FAF1: variants seen among roughly 807,000 people sequenced by gnomAD.
The protein encoded by FAF1 is FAS-associated factor 1.
FAF1 carries 25 observed loss-of-function variants against 92.5 expected under a neutral mutation model. That is an observed-to-expected ratio of 0.27 (90% CI 0.20 to 0.38). The LOEUF (loss-of-function observed/expected upper bound fraction) is 0.38. Ranked by LOEUF, FAF1 falls within the 10% of genes least tolerant of loss-of-function variation. The probability of loss-of-function intolerance (pLI) is 1.00; values close to 1 mark genes in which losing one functional copy is unlikely to be tolerated. For missense variants in FAF1, 636 were observed against 793.3 expected, an observed-to-expected ratio of 0.80 and a Z score of 2.38; for synonymous variants, 234 against 273.2, an observed-to-expected ratio of 0.86 and a Z score of 1.42.
chr1:50,745,356 A>T (rs752862335), intron 4 of FAF1, among the ~76,000 whole-genome samples: 12 of 152,150 alleles, frequency 7.9e-5, no homozygotes, highest in Non-Finnish European at 1.3e-4. Flanking sequence ...AATATATAGG[A>T]GACAATTTAA....
intron 2 of FAF1, among the ~76,000 whole-genome samples, chr1:50,836,170 G>T (rs923598119): frequency 7.7e-4 from 76 of 98,474 alleles, no homozygotes; most frequent in Middle Eastern, 7.1e-3. Context: ...TTTTGTTTCT[G>T]TTTTTTTTTT....
chr1:50,515,288 T>C (rs530304396), intron 15 of FAF1, among the ~76,000 whole-genome samples: 1 of 152,330 alleles, frequency 6.6e-6, no homozygotes, highest in African/African-American at 2.4e-5. Flanking sequence ...GAGACTTGAA[T>C]TGGCTATGTA....
chr1:50,793,307 A>G (rs918593617), intron 3 of FAF1, among the ~76,000 whole-genome samples: 1 of 152,228 alleles, frequency 6.6e-6, no homozygotes, highest in African/African-American at 2.4e-5. Context: ...GCTGTTTACT[A>G]GAGTATCTGT....
At chr1:50,689,909 T>C (rs780932396) in intron 7 of FAF1, among the ~76,000 whole-genome samples, 8 of 152,050 alleles carry the variant, frequency 5.3e-5, no homozygotes, top group Non-Finnish European at 1.0e-4. Flanking sequence ...AACATTAAGA[T>C]TTAAACAGAC....
intron 4 of FAF1, among the ~76,000 whole-genome samples, chr1:50,781,999 T>A (rs998736225): frequency 1.3e-5 from 2 of 152,130 alleles, no homozygotes; most frequent in African/African-American, 4.8e-5. Context: ...CACAATACAT[T>A]ATTCATAAAT....
intron 8 of FAF1, among the ~76,000 whole-genome samples, chr1:50,624,794 T>C (rs566435910): frequency 6.6e-6 from 1 of 152,202 alleles, no homozygotes; most frequent in African/African-American, 2.4e-5. Context: ...AATCCAACTG[T>C]CATAAGTAGA....
intron 18 of FAF1, among the ~76,000 whole-genome samples, chr1:50,441,934 G>A (rs570141253): frequency 2.6e-5 from 4 of 151,658 alleles, no homozygotes; most frequent in African/African-American, 9.7e-5. Context: ...CTTCCTCTTA[G>A]AACTACATTA....
At chr1:50,849,266 CAA>C (rs369712410) in intron 2 of FAF1, among the ~76,000 whole-genome samples, 13 of 88,662 alleles carry the variant, frequency 1.5e-4, no homozygotes, top group Admixed American at 2.5e-4. Flanking sequence ...GACTCCGTCT[CAA>C]AAAAAAAAAA....
At chr1:50,802,734 T>C (rs1035384503) in intron 2 of FAF1, among the ~76,000 whole-genome samples, 2 of 152,272 alleles carry the variant, frequency 1.3e-5, no homozygotes, top group African/African-American at 4.8e-5. Flanking sequence ...CTTTTCCAAC[T>C]CTGTCTTTAT....
chr1:50,836,789 C>A (rs1039885577), intron 2 of FAF1, among the ~76,000 whole-genome samples: 2 of 151,942 alleles, frequency 1.3e-5, no homozygotes, highest in Non-Finnish European at 1.5e-5. Context: ...GACACTCTGT[C>A]CCAGCATTTA....
chr1:50,610,931 G>A (rs1023365147), intron 8 of FAF1, among the ~76,000 whole-genome samples: 1 of 152,154 alleles, frequency 6.6e-6, no homozygotes, highest in African/African-American at 2.4e-5. Context: ...TGTAAAAGCA[G>A]GTTGCATAAA....
intron 13 of FAF1, among the ~76,000 whole-genome samples, chr1:50,565,322 T>C (rs1194733759): frequency 1.3e-5 from 2 of 152,122 alleles, no homozygotes; most frequent in African/African-American, 4.8e-5. Flanking sequence ...TAATATTACC[T>C]TTTACAAATT....
At chr1:50,871,861 C>T (rs1043035096) in intron 1 of FAF1, among the ~76,000 whole-genome samples, 9 of 151,896 alleles carry the variant, frequency 5.9e-5, no homozygotes, top group Non-Finnish European at 1.2e-4. Flanking sequence ...GTCAGGAGAT[C>T]GAGACCATCC....
chr1:50,772,372 A>G (rs1660805405), intron 4 of FAF1, among the ~76,000 whole-genome samples: 1 of 152,170 alleles, frequency 6.6e-6, no homozygotes, highest in Non-Finnish European at 1.5e-5. Flanking sequence ...AACATCAATC[A>G]TCACACCATA....
intron 8 of FAF1, among the ~76,000 whole-genome samples, chr1:50,630,822 T>C (rs2124207486): frequency 6.8e-6 from 1 of 146,050 alleles, no homozygotes; most frequent in South Asian, 2.2e-4. Context: ...ATCTAGTGTA[T>C]CATATCTTTT....
chr1:50,704,887 T>C (rs138135161), intron 7 of FAF1, among the ~76,000 whole-genome samples: 38 of 152,334 alleles, frequency 2.5e-4, no homozygotes, highest in African/African-American at 8.2e-4. Flanking sequence ...AAACAGTTCA[T>C]ATATTTCTGA....
intron 16 of FAF1, 57 bp downstream of exon 16, chr1:50,491,664 G>T: frequency 8.2e-7 from 1 of 1,219,288 alleles, no homozygotes; most frequent in Non-Finnish European, 1.2e-6. Context: ...ATAAAGGTTG[G>T]CATTTAAATA....
At position 50,463,581 on chromosome 1, in the gene FAF1, C is replaced by T. The variant is rs370481737; in HGVS notation, c.1869+11883G>A. On this transcript the variant is annotated intron_variant, in intron 18 of 18. Coordinates refer to ENST00000396153, the MANE Select transcript of FAF1 (RefSeq NM_007051.3). ...GAAATAGCACTTAATATCTCTTAGC[C>T]CCAGTTGTCTAACCTGTAAAATAGG... Among the ~76,000 whole-genome samples the T allele has an allele frequency of 1.6e-4, 24 of 152,270 alleles. No individual in the cohort carries two copies. The East Asian group carries it at 4.2e-3, about 27-fold the overall frequency.
At chr1:50,886,271 T>A (rs1644662940) in intron 1 of FAF1, among the ~76,000 whole-genome samples, 1 of 152,234 alleles carries the variant, frequency 6.6e-6, no homozygotes, top group African/African-American at 2.4e-5. Context: ...ACAGGTCTGG[T>A]GTTGATGAAA....
Sources: gnomAD v4.1 joint callset for allele counts (sites outside exome capture counted in the v4.1 genomes callset) on GRCh38, gnomAD v4.1.1 for gene constraint, MANE v1.5 for transcripts, NCBI Gene and HGNC (gene_info 2026-07-23, HGNC 2026-07-21) for gene names.